DSCAM: variants seen among roughly 807,000 people sequenced by gnomAD.
DSCAM encodes the protein DS cell adhesion molecule.
Under a neutral mutation model 217.7 loss-of-function variants are expected in DSCAM, and 47 were observed. That is an observed-to-expected ratio of 0.22 (90% CI 0.17 to 0.28). The LOEUF (loss-of-function observed/expected upper bound fraction) is 0.28. Among genes scored for constraint, DSCAM ranks in the 10% least tolerant of loss-of-function variants. The pLI is 1.00. For missense variants in DSCAM, 2,080 were observed against 2,618.3 expected (o/e 0.79, Z 4.49); for synonymous variants, 1,056 against 1,015.3 (o/e 1.04, Z -0.76).
chr21:40,531,456 G>A (rs991067850), intron 3 of DSCAM, among the ~76,000 whole-genome samples: 1 of 152,166 alleles, frequency 6.6e-6, no homozygotes, highest in Non-Finnish European at 1.5e-5. Flanking sequence ...GTAGCCTTGG[G>A]TGTGTTTCCC....
In DSCAM at chr21:40,012,852, C is replaced by T. The variant is rs922666041; in HGVS notation, c.*182G>A. On this transcript the variant is annotated 3_prime_UTR_variant, in exon 33 of 33. Coordinates refer to ENST00000400454, the MANE Select transcript of DSCAM (RefSeq NM_001389.5). ...TGCCCAGGCGGATGGAGCTCACACT[C>T]AGACAGAAAAAAAGCAGGAGAGTCT... 1.4e-5 allele frequency: 6 copies of T among 443,044 alleles called. No homozygotes were observed. The Admixed American group carries it at 2.3e-4, about 17-fold the overall frequency. 27.4% of individuals were successfully genotyped at this position (443,044 alleles called of 1,614,324 possible). A position where few individuals can be genotyped will look rare whatever the true frequency, so the allele number is the denominator to read the frequency against.
Position 40,353,736 on chromosome 21 carries a change from C to A in DSCAM, c.663G>T (p.Ala221=). The A allele has an allele frequency of 6.5e-7, 1 of 1,544,430 alleles. No homozygotes were observed. Among genetic ancestry groups the A allele is most frequent in the South Asian group, 1.2e-5 (1 of 80,198 alleles). Residue 221 remains alanine (A), a synonymous_variant, in exon 5 of 33, where the codon GCG becomes GCT. Coordinates refer to ENST00000400454, the MANE Select transcript of DSCAM (RefSeq NM_001389.5). The part of the protein sequence containing the change: ...NSARLFVSDP[A]NSAPSILDGF... ...CATCCAGTATGGATGGGGCTGAGTT[C>A]GCTGGGTCTGTAGAAGAAATAAAAA...
At chr21:40,655,428 T>G (rs1162190830) in intron 3 of DSCAM, among the ~76,000 whole-genome samples, 1 of 147,800 alleles carries the variant, frequency 6.8e-6, no homozygotes, top group Non-Finnish European at 1.5e-5. Context: ...GCTATTGTGC[T>G]CCCTTCAATC....
chr21:40,085,506 TA>T, intron 23 of DSCAM, 95 bp downstream of exon 23: 1 of 1,157,026 alleles, frequency 8.6e-7, no homozygotes. Flanking sequence ...GTTAGCTCTT[TA>T]TAAGGGCTGA....
intron 19 of DSCAM, among the ~76,000 whole-genome samples, chr21:40,132,358 T>G (rs1388104830): frequency 6.6e-6 from 1 of 152,214 alleles, no homozygotes; most frequent in Non-Finnish European, 1.5e-5. Context: ...AGCCAGCATT[T>G]GCACAGCTGT....
chr21:40,717,971 G>C (rs943325320), intron 1 of DSCAM, among the ~76,000 whole-genome samples: 1 of 152,180 alleles, frequency 6.6e-6, no homozygotes, highest in South Asian at 2.1e-4. Context: ...GTCTAGGCCA[G>C]CTGGGCATTG....
chr21:40,142,419 G>T, intron 18 of DSCAM, 139 bp downstream of exon 18: 1 of 914,112 alleles, frequency 1.1e-6, no homozygotes. Context: ...GATGAGGGAT[G>T]ACAGAAAAGG....
chr21:40,201,599 G>A (rs1042025333), intron 11 of DSCAM, among the ~76,000 whole-genome samples: 1 of 152,018 alleles, frequency 6.6e-6, no homozygotes, highest in Non-Finnish European at 1.5e-5. Flanking sequence ...GCTCCACCAT[G>A]CCTGGCTGAT....
At chr21:40,626,870 G>A (rs934975110) in intron 3 of DSCAM, among the ~76,000 whole-genome samples, 2 of 152,230 alleles carry the variant, frequency 1.3e-5, no homozygotes, top group African/African-American at 4.8e-5. Flanking sequence ...TCTCAATGGG[G>A]TCAAAACAAG....
intron 2 of DSCAM, among the ~76,000 whole-genome samples, chr21:40,704,319 A>T (rs2090688812): frequency 6.6e-6 from 1 of 152,224 alleles, no homozygotes; most frequent in African/African-American, 2.4e-5. Context: ...TTCACTTAGT[A>T]ACAGGCATTT....
intron 27 of DSCAM, among the ~76,000 whole-genome samples, chr21:40,069,164 T>C (rs1055230096): frequency 2.0e-5 from 3 of 151,936 alleles, no homozygotes; most frequent in Non-Finnish European, 4.4e-5. Context: ...CCATTTTGCA[T>C]GGCTATTGAG....
chr21:40,364,527 G>T (rs1047657655), intron 4 of DSCAM, among the ~76,000 whole-genome samples: 9 of 140,788 alleles, frequency 6.4e-5, no homozygotes, highest in African/African-American at 2.3e-4. Context: ...GGGGCCTGTT[G>T]TGGGATGGGG....
intron 32 of DSCAM, among the ~76,000 whole-genome samples, chr21:40,017,322 T>C (rs1318847696): frequency 6.6e-6 from 1 of 152,162 alleles, no homozygotes; most frequent in Non-Finnish European, 1.5e-5. Flanking sequence ...GTTGCACCAC[T>C]TGGGATTTAT....
intron 20 of DSCAM, among the ~76,000 whole-genome samples, chr21:40,120,030 C>T (rs934888318): frequency 2.0e-5 from 3 of 151,944 alleles, no homozygotes; most frequent in African/African-American, 7.3e-5. Flanking sequence ...CACCTGTTGC[C>T]TGGGGTGGGA....
intron 11 of DSCAM, among the ~76,000 whole-genome samples, chr21:40,271,600 A>G (rs1181301712): frequency 6.6e-6 from 1 of 152,206 alleles, no homozygotes; most frequent in Non-Finnish European, 1.5e-5. Flanking sequence ...AAATTCGTTT[A>G]GCCAAAGAGA....
At chr21:40,013,751 T>C (rs2088105823) in intron 32 of DSCAM, among the ~76,000 whole-genome samples, 1 of 152,160 alleles carries the variant, frequency 6.6e-6, no homozygotes, top group African/African-American at 2.4e-5. Flanking sequence ...AAACCCCGCA[T>C]GTGATTGGAA....
Position 40,026,082 on chromosome 21 carries a change from C to T in DSCAM, c.5687-12696G>A, listed in dbSNP as rs1217195758. Among the ~76,000 whole-genome samples, 11 of 142,146 alleles carry T rather than the reference C, an allele frequency of 7.7e-5. 1 individual carries two copies. The highest frequency in any genetic ancestry group is 1.5e-4 in the African/African-American group (6 of 39,844). The allele number at this position is 142,146 out of a possible 152,430, so 93.3% of individuals were successfully genotyped here. ...TTCTGGTATGTTGTGTCTTTGTTCT[C>T]GTTGGTTTCAAAGAACATCTTTATT... On this transcript the variant is annotated intron_variant, in intron 32 of 32. Coordinates refer to ENST00000400454, the MANE Select transcript of DSCAM (RefSeq NM_001389.5).
intron 20 of DSCAM, among the ~76,000 whole-genome samples, chr21:40,103,918 ATATTT>A (rs2089785546): frequency 6.6e-6 from 1 of 151,876 alleles, no homozygotes; most frequent in African/African-American, 2.4e-5. Flanking sequence ...CAAATATAAA[ATATTT>A]TATTTTTGGC....
chr21:40,524,347 T>A (rs1256998026), intron 3 of DSCAM, among the ~76,000 whole-genome samples: 1 of 152,182 alleles, frequency 6.6e-6, no homozygotes, highest in Admixed American at 6.5e-5. Context: ...TCTCTTTTTT[T>A]TCCTTTTCTA....
Sources: gnomAD v4.1 joint callset for allele counts (sites outside exome capture counted in the v4.1 genomes callset) on GRCh38, gnomAD v4.1.1 for gene constraint, MANE v1.5 for transcripts, NCBI Gene and HGNC (gene_info 2026-07-23, HGNC 2026-07-21) for gene names.